The following ZZEF1 variants were observed in gnomAD, a reference collection of about 807,000 sequenced individuals.
ZZEF1 encodes zinc finger ZZ-type and EF-hand domain containing 1.
In ZZEF1, 157 loss-of-function variants were observed where a neutral mutation model predicts 342.8. That is an observed-to-expected ratio of 0.46 (90% CI 0.40 to 0.52). The LOEUF is 0.52. ZZEF1 is among the 20% of genes least tolerant of loss of function. The probability of loss-of-function intolerance (pLI) is 0.00; values close to 1 mark genes in which losing one functional copy is unlikely to be tolerated. For missense variants in ZZEF1, 3,480 were observed against 3,725.6 expected, an observed-to-expected ratio of 0.93 and a Z score of 1.72; for synonymous variants, 1,505 against 1,429.1, an observed-to-expected ratio of 1.05 and a Z score of -1.20.
rs569807546 is a variant in ZZEF1, at chr17:4,133,175, G to A, written c.355-9124C>T. The stretch of plus-strand genomic sequence containing the variant: ...AGCTATCATTCATTCAGTTGGGAAC[G>A]ACACACAGACTTGGAAACTATGAAT... On this transcript the variant is annotated intron_variant, in intron 1 of 54. Transcript: ENST00000381638. 2.8e-4 allele frequency among the ~76,000 whole-genome samples: 42 copies of A among 152,286 alleles called. 1 individual carries two copies. The highest frequency in any genetic ancestry group is 8.3e-4 in the South Asian group (4 of 4,822).
chr17:4,084,384 A>T (rs1196673945), intron 16 of ZZEF1, among the ~76,000 whole-genome samples: 1 of 152,026 alleles, frequency 6.6e-6, no homozygotes, highest in East Asian at 1.9e-4. Context: ...CTTGGCCATA[A>T]TTTTGTTTAT....
intron 13 of ZZEF1, 64 bp from the exon 14 acceptor site, chr17:4,087,598 G>T: frequency 1.5e-6 from 2 of 1,379,082 alleles, no homozygotes; most frequent in African/African-American, 1.5e-5. Context: ...ATACTGTAAT[G>T]CCTCATTTAC....
Position 4,017,276 on chromosome 17 carries a change from C to T in ZZEF1, c.8001+95G>A. ...CCTGTCAGGGAGCTGCACAGCCACA[C>T]AGGTAGCCTCGCTCCAGGAAGCACT... On this transcript the variant is annotated intron_variant, in intron 48 of 54. Transcript: ENST00000381638. This position sits in a 1 kb window ranked among gnomAD's most constrained non-coding sequence, Gnocchi z 5.1. 6.7e-7 allele frequency: 1 copy of T among 1,501,366 alleles called. No homozygotes were observed. Among genetic ancestry groups the T allele is most frequent in the Non-Finnish European group, 8.9e-7 (1 of 1,123,048 alleles). The allele number at this position is 1,501,366 out of a possible 1,614,324, so 93.0% of individuals were successfully genotyped here.
In ZZEF1 at chr17:4,088,904, C is replaced by G. The variant is rs1257166232; in HGVS notation, c.2026-11G>C. ...CTTCACCATCAAATACTGGACAGGA[C>G]AAGAGAGATTTCAATAGAAGAACTC... is the stretch of plus-strand genomic sequence containing the variant. On this transcript the variant is annotated splice_polypyrimidine_tract_variant and intron_variant, in intron 12 of 54. Transcript: ENST00000381638. 2 of 1,612,540 alleles carry G rather than the reference C, an allele frequency of 1.2e-6. No individual in the cohort carries two copies. Among genetic ancestry groups the G allele is most frequent in the Non-Finnish European group, 1.7e-6 (2 of 1,179,370 alleles).
Position 4,075,143 on chromosome 17 carries a change from C to T in ZZEF1, c.3437G>A (p.Arg1146Gln), listed in dbSNP as rs538073484. The T allele has an allele frequency of 1.2e-5, 19 of 1,614,050 alleles. No individual in the cohort carries two copies. The highest frequency in any genetic ancestry group is 1.6e-4 in the Middle Eastern group (1 of 6,084). Residue 1146 changes from arginine to glutamine, a missense_variant, in exon 23 of 55, where the codon CGG (arginine) becomes CAG (glutamine). Physicochemically the swap from Arg to Gln is conservative, Grantham distance 43. Transcript: ENST00000381638. ...AACTTTTGTGTCATAGCGTGTTTTC[C>T]GACCTCTAGCGTCGGTAAATTCCAG... is the stretch of plus-strand genomic sequence containing the variant. Reference protein sequence around the residue: ...DYLEFTDARGRKTRYDTKVGT... With the variant: ...DYLEFTDARGQKTRYDTKVGT...
intron 39 of ZZEF1, among the ~76,000 whole-genome samples, chr17:4,040,866 A>G (rs2145106040): frequency 6.6e-6 from 1 of 152,304 alleles, no homozygotes; most frequent in African/African-American, 2.4e-5. Flanking sequence ...TAAAATCAAC[A>G]TAAAAAGGCT....
intron 2 of ZZEF1, among the ~76,000 whole-genome samples, chr17:4,121,383 G>C (rs955530724): frequency 1.3e-5 from 2 of 152,208 alleles, no homozygotes; most frequent in Non-Finnish European, 2.9e-5. Context: ...CAACACTTTG[G>C]GAGGCCAAGA....
chr17:4,076,624 T>C lies in ZZEF1; in HGVS notation c.3234+13A>G, dbSNP rs767997749. The C allele has an allele frequency of 3.7e-6, 6 of 1,602,564 alleles. No individual in the cohort carries two copies. The highest frequency in any genetic ancestry group is 5.1e-6 in the Non-Finnish European group (6 of 1,173,402). ...AGAGAACACGGGGCGGCTCAAGTGC[T>C]GACTCGAGTTACCTTCCTCAGTCCT... On this transcript the variant is annotated intron_variant, in intron 21 of 54. Coordinates refer to ENST00000381638, the MANE Select transcript of ZZEF1 (RefSeq NM_015113.4).
At position 4,075,134 on chromosome 17, in the gene ZZEF1, C is replaced by T. The variant is rs759334902; in HGVS notation, c.3446G>A (p.Arg1149His). Reference sequence around the variant, plus strand: ...ATCAGTGCCAACTTTTGTGTCATAGCGTGTTTTCCGACCTCTAGCGTCGGT... The same window carrying T: ...ATCAGTGCCAACTTTTGTGTCATAGTGTGTTTTCCGACCTCTAGCGTCGGT... Reference protein sequence around the residue: ...EFTDARGRKTRYDTKVGTDKW... With the variant: ...EFTDARGRKTHYDTKVGTDKW... The change falls in exon 23 of 55, where the codon CGC (arginine) becomes CAC (histidine). Residue 1149 changes from arginine to histidine, a missense_variant. Transcript: ENST00000381638. The T allele has an allele frequency of 4.3e-6, 7 of 1,614,208 alleles. No individual in the cohort carries two copies. The highest frequency in any genetic ancestry group is 2.2e-5 in the East Asian group (1 of 44,890).
intron 11 of ZZEF1, among the ~76,000 whole-genome samples, chr17:4,092,029 T>C (rs2057952358): frequency 6.7e-6 from 1 of 149,522 alleles, no homozygotes; most frequent in Non-Finnish European, 1.5e-5. Flanking sequence ...TGAGCCAAGA[T>C]CGTGCCACTG....
chr17:4,127,257 GC>G lies in ZZEF1; in HGVS notation c.355-3207del, dbSNP rs566949224. Among the ~76,000 whole-genome samples, 134 of 152,190 alleles carry G rather than the reference GC, an allele frequency of 8.8e-4. 1 individual carries two copies. The highest frequency in any genetic ancestry group is 3.0e-3 in the African/African-American group (123 of 41,538). On this transcript the variant is annotated intron_variant, in intron 1 of 54. Coordinates refer to ENST00000381638, the MANE Select transcript of ZZEF1 (RefSeq NM_015113.4). ...GCCTTCAAGAGATTTTCCCACCTCG[GC>G]CTCCCAAAGAGTTGAGATTATAGGC...
At chr17:4,049,914 T>A in intron 36 of ZZEF1, 55 bp from the exon 37 acceptor site, 1 of 1,585,438 alleles carries the variant, frequency 6.3e-7, no homozygotes, top group African/African-American at 1.4e-5. Context: ...AGAGTTCTTT[T>A]CAGCAAGTGC....
intron 1 of ZZEF1, among the ~76,000 whole-genome samples, chr17:4,126,758 G>A (rs1055470961): frequency 6.6e-6 from 1 of 152,126 alleles, no homozygotes; most frequent in Non-Finnish European, 1.5e-5. Context: ...TTCAGGCCAG[G>A]AGTTCAAGAC....
rs1183052412 is a variant in ZZEF1, at chr17:4,072,680, G to C, written c.3762C>G (p.Phe1254Leu). 1 of 1,614,122 alleles carries C rather than the reference G, an allele frequency of 6.2e-7. No homozygotes were observed. The highest frequency in any genetic ancestry group is 1.7e-5 in the Admixed American group (1 of 60,024). ...VLSSPLWKPV[F>L]RHQVCPELEL... ...CCAACTCTGGACAAACCTGATGCCTGAAGACAGGTTTCCACAGTGGGGAGC... is the reference window on the plus strand; with the variant it reads ...CCAACTCTGGACAAACCTGATGCCTCAAGACAGGTTTCCACAGTGGGGAGC... Residue 1254 changes from phenylalanine (F) to leucine (L), a missense_variant, in exon 25 of 55, where the codon TTC becomes TTG. Physicochemically the swap from Phe to Leu is conservative, Grantham distance 22. Around this residue, in one of 5 missense-constraint regions of ZZEF1, gnomAD observed 1,528 missense variants for 1,624.1 expected, o/e 0.94. Coordinates refer to ENST00000381638, the MANE Select transcript of ZZEF1 (RefSeq NM_015113.4).
chr17:4,132,843 G>A (rs1050484778), intron 1 of ZZEF1, among the ~76,000 whole-genome samples: 5 of 151,878 alleles, frequency 3.3e-5, no homozygotes, highest in Non-Finnish European at 7.4e-5. Flanking sequence ...GCGGGCGCCT[G>A]TAGTCCCAGC....
chr17:4,050,695 A>G, intron 36 of ZZEF1, 86 bp downstream of exon 36: 3 of 1,586,942 alleles, frequency 1.9e-6, no homozygotes, highest in Non-Finnish European at 2.6e-6. Context: ...CCACCTGTAA[A>G]CTAAGCTTAG....
Position 4,014,155 on chromosome 17 carries a change from A to C in ZZEF1, c.8348T>G (p.Met2783Arg), listed in dbSNP as rs753645901. Residue 2783 changes from methionine to arginine, a missense_variant, in exon 51 of 55, where the codon ATG becomes AGG. Physicochemically the swap from Met to Arg is moderately conservative, Grantham distance 91 (BLOSUM62 -1). This residue lies in a region of ZZEF1 where 1,269 missense variants were observed against 1,342.4 expected (regional missense o/e 0.95). Transcript: ENST00000381638. This position sits in a 1 kb window ranked among gnomAD's most constrained non-coding sequence, Gnocchi z 4.4. Reference protein sequence around the residue: ...DTLYYRFTSDMSNTEWGYRFT... With the variant: ...DTLYYRFTSDRSNTEWGYRFT... ...TCTGTAGCCCCACTCGGTGTTGCTC[A>C]TGTCGGAGGTGAAGCGGTAATACAG... 1 of 1,614,144 alleles carries C rather than the reference A, an allele frequency of 6.2e-7. No homozygotes were observed. The highest frequency in any genetic ancestry group is 1.1e-5 in the South Asian group (1 of 91,072).
chr17:4,124,454 C>G (rs2058541367), intron 1 of ZZEF1, among the ~76,000 whole-genome samples: 1 of 152,092 alleles, frequency 6.6e-6, no homozygotes, highest in Admixed American at 6.6e-5. Context: ...TTTCTTTTCC[C>G]TTTTTGAGAC....
intron 1 of ZZEF1, among the ~76,000 whole-genome samples, chr17:4,137,610 A>T (rs1041554799): frequency 6.6e-6 from 1 of 151,888 alleles, no homozygotes; most frequent in Admixed American, 6.6e-5. Flanking sequence ...TCTGTCTCAA[A>T]ATAATAATAA....
Sources: allele counts gnomAD v4.1 joint callset (sites outside exome capture counted in the v4.1 genomes callset), GRCh38; gene constraint gnomAD v4.1.1; regional missense constraint gnomAD v4.1.1; non-coding constraint Gnocchi (gnomAD v3.1); transcripts MANE v1.5; gene names NCBI Gene and HGNC (gene_info 2026-07-23, HGNC 2026-07-21).